Variants in SEMA3C observed in about 807,000 individuals in gnomAD.
SEMA3C encodes semaphorin 3C.
SEMA3C carries 47 observed loss-of-function variants against 89.4 expected under a neutral mutation model. The ratio of observed to expected loss-of-function variants is 0.53; its 90% CI spans 0.42 to 0.67. SEMA3C has a LOEUF of 0.67. Ranked by LOEUF, SEMA3C falls within the 30% of genes least tolerant of loss-of-function variation. The probability of loss-of-function intolerance (pLI) is 0.00; values close to 1 mark genes in which losing one functional copy is unlikely to be tolerated. For missense variants in SEMA3C, 839 were observed against 929.1 expected, an observed-to-expected ratio of 0.90 and a Z score of 1.26; for synonymous variants, 310 against 320.2, an observed-to-expected ratio of 0.97 and a Z score of 0.34.
intron 1 of SEMA3C, among the ~76,000 whole-genome samples, chr7:80,917,220 T>TA (rs781431650): frequency 6.6e-5 from 10 of 152,322 alleles, no homozygotes; most frequent in Non-Finnish European, 8.8e-5. Context: ...CCCACTAACG[T>TA]AACAGCAGCA....
intron 2 of SEMA3C, among the ~76,000 whole-genome samples, chr7:80,915,006 TA>T (rs1366835546): frequency 6.6e-6 from 1 of 152,206 alleles, no homozygotes; most frequent in African/African-American, 2.4e-5. Flanking sequence ...TGTTGATATT[TA>T]CATTAGTTTG....
chr7:80,811,277 T>C (rs1789463186), intron 5 of SEMA3C, among the ~76,000 whole-genome samples: 2 of 152,072 alleles, frequency 1.3e-5, no homozygotes, highest in Admixed American at 1.3e-4. Flanking sequence ...ACTGGGGATA[T>C]TGCAAACAAA....
chr7:80,746,876 A>C (rs1231244011), intron 17 of SEMA3C, among the ~76,000 whole-genome samples: 1 of 152,064 alleles, frequency 6.6e-6, no homozygotes, highest in Non-Finnish European at 1.5e-5. Context: ...TAGATATTAA[A>C]AGTGAGAATA....
At chr7:80,885,291 A>G (rs900026791) in intron 2 of SEMA3C, among the ~76,000 whole-genome samples, 1 of 152,084 alleles carries the variant, frequency 6.6e-6, no homozygotes, top group Non-Finnish European at 1.5e-5. Context: ...ATCCCTAGGT[A>G]AATTGTTTAA....
chr7:80,872,239 C>T (rs1307359337), intron 2 of SEMA3C, among the ~76,000 whole-genome samples: 2 of 152,096 alleles, frequency 1.3e-5, no homozygotes, highest in Non-Finnish European at 2.9e-5. Context: ...CAACCTCCGC[C>T]TCCCAGGTTC....
chr7:80,777,085 T>G (rs2117084499), intron 12 of SEMA3C, among the ~76,000 whole-genome samples: 1 of 152,288 alleles, frequency 6.6e-6, no homozygotes, highest in Non-Finnish European at 1.5e-5. Context: ...ATACATATTT[T>G]ATCTCATTTG....
At chr7:80,776,856 C>T (rs1350631525) in intron 12 of SEMA3C, among the ~76,000 whole-genome samples, 1 of 151,980 alleles carries the variant, frequency 6.6e-6, no homozygotes, top group African/African-American at 2.4e-5. Flanking sequence ...AAAGGAGATG[C>T]TTTTTTTGGT....
intron 2 of SEMA3C, among the ~76,000 whole-genome samples, chr7:80,911,250 C>T (rs984643028): frequency 6.6e-6 from 1 of 152,098 alleles, no homozygotes; most frequent in African/African-American, 2.4e-5. Context: ...TCATTGTGAT[C>T]TTTGTGGATC....
chr7:80,857,279 C>T (rs1314006575), intron 2 of SEMA3C, among the ~76,000 whole-genome samples: 2 of 152,058 alleles, frequency 1.3e-5, no homozygotes, highest in Admixed American at 6.6e-5. Context: ...ATCAGTGACA[C>T]GGGCCCTTTA....
intron 2 of SEMA3C, among the ~76,000 whole-genome samples, chr7:80,857,567 A>G (rs572249736): frequency 6.6e-6 from 1 of 152,292 alleles, no homozygotes; most frequent in East Asian, 1.9e-4. Flanking sequence ...ATTAGTAGCC[A>G]TAAAGTGCTA....
intron 17 of SEMA3C, among the ~76,000 whole-genome samples, chr7:80,748,217 A>G (rs554064548): frequency 6.6e-6 from 1 of 152,268 alleles, no homozygotes; most frequent in South Asian, 2.1e-4. Context: ...TGACATCAAT[A>G]TTATGAAATT....
At chr7:80,917,474 G>A (rs1792305710) in intron 1 of SEMA3C, among the ~76,000 whole-genome samples, 1 of 152,170 alleles carries the variant, frequency 6.6e-6, no homozygotes. Flanking sequence ...ACCTAGTGGT[G>A]AGCAATCCAG....
intron 17 of SEMA3C, among the ~76,000 whole-genome samples, chr7:80,748,176 T>C (rs1787842385): frequency 6.6e-6 from 1 of 152,180 alleles, no homozygotes; most frequent in Non-Finnish European, 1.5e-5. Context: ...TATACATATA[T>C]ATTTTTATCT....
chr7:80,830,666 A>T (rs1789988776), intron 2 of SEMA3C, among the ~76,000 whole-genome samples: 1 of 152,166 alleles, frequency 6.6e-6, no homozygotes, highest in Non-Finnish European at 1.5e-5. Context: ...GTCATTAATA[A>T]CAAGGGCCTG....
rs1554379828 is a variant in SEMA3C, at chr7:80,849,274, C to CATG, written c.104-20530_104-20529insCAT. 1.3e-4 allele frequency among the ~76,000 whole-genome samples: 19 copies of CATG among 151,138 alleles called. 1 individual carries two copies. Among genetic ancestry groups the CATG allele is most frequent in the East Asian group, 1.0e-3 (5 of 4,828 alleles). On this transcript the variant is annotated intron_variant, in intron 2 of 17. Coordinates refer to ENST00000265361, the MANE Select transcript of SEMA3C (RefSeq NM_006379.5). The stretch of plus-strand genomic sequence containing the variant: ...CAGCTTTCCACCTACAATTTCAAAC[C>CATG]CAACAAGTAGCAACACTAAGTTTTA...
At chr7:80,772,474 T>C (rs1192863564) in intron 12 of SEMA3C, among the ~76,000 whole-genome samples, 1 of 152,154 alleles carries the variant, frequency 6.6e-6, no homozygotes, top group Admixed American at 6.5e-5. Context: ...AGCTTTGAAT[T>C]GGTAATTGGA....
At chr7:80,845,975 A>G (rs1430590379) in intron 2 of SEMA3C, among the ~76,000 whole-genome samples, 1 of 152,168 alleles carries the variant, frequency 6.6e-6, no homozygotes, top group African/African-American at 2.4e-5. Flanking sequence ...GCCTACTTTA[A>G]GAAAGTAGCA....
rs554235994 is a variant in SEMA3C, at chr7:80,824,056, C to T, written c.327+3369G>A. Reference sequence around the variant, plus strand: ...TACTACCTAAGACCAAATTTTAAATCACATTAAATTTTCTTCTTATAATTG... The same window carrying T: ...TACTACCTAAGACCAAATTTTAAATTACATTAAATTTTCTTCTTATAATTG... On this transcript the variant is annotated intron_variant, in intron 4 of 17. Coordinates refer to ENST00000265361, the MANE Select transcript of SEMA3C (RefSeq NM_006379.5). Among the ~76,000 whole-genome samples the T allele has an allele frequency of 3.3e-4, 50 of 152,168 alleles. 1 individual carries two copies. The highest frequency in any genetic ancestry group is 1.1e-3 in the African/African-American group (47 of 41,534).
intron 2 of SEMA3C, among the ~76,000 whole-genome samples, chr7:80,908,234 T>A (rs1365121118): frequency 6.6e-6 from 1 of 152,132 alleles, no homozygotes; most frequent in Non-Finnish European, 1.5e-5. Flanking sequence ...GACGTTCAAC[T>A]CCCCTTACTC....
Sources: allele counts gnomAD v4.1 joint callset (sites outside exome capture counted in the v4.1 genomes callset), GRCh38; gene constraint gnomAD v4.1.1; transcripts MANE v1.5; gene names NCBI Gene and HGNC (gene_info 2026-07-23, HGNC 2026-07-21).